The following KYNU variants were observed in gnomAD, a reference collection of about 807,000 sequenced individuals.
KYNU encodes the protein L-kynurenine hydrolase.
Under a neutral mutation model 59.2 loss-of-function variants are expected in KYNU, and 54 were observed. The ratio of observed to expected loss-of-function variants is 0.91; its 90% confidence interval spans 0.73 to 1.14. The LOEUF (loss-of-function observed/expected upper bound fraction) is 1.14. Ranked by LOEUF, KYNU falls within the 50% of genes most tolerant of loss-of-function variation. The pLI is 0.00. For synonymous variants in KYNU, 177 were observed against 192.0 expected (o/e 0.92, Z 0.65); for missense variants, 567 against 554.4 (o/e 1.02, Z -0.23).
At position 142,998,965 on chromosome 2, in the gene KYNU, C is replaced by T. The variant is rs71423231; in HGVS notation, c.902+12944C>T. On this transcript the variant is annotated intron_variant, in intron 10 of 13. Coordinates refer to ENST00000264170, the MANE Select transcript of KYNU (RefSeq NM_003937.3). Reference sequence around the variant, plus strand: ...CTGAGGTTGCAGTGAGCAGAGATCACGTCACTGCACTCCAGCCTGGCAACA... The same window carrying T: ...CTGAGGTTGCAGTGAGCAGAGATCATGTCACTGCACTCCAGCCTGGCAACA... Among the ~76,000 whole-genome samples the T allele has an allele frequency of 1.1e-3, 157 of 143,790 alleles. 1 individual carries two copies. Among genetic ancestry groups the T allele is most frequent in the Non-Finnish European group, 1.6e-3 (105 of 66,890 alleles). 94.3% of individuals were successfully genotyped at this position (143,790 alleles called of 152,430 possible).
At chr2:142,932,047 GT>G (rs567795030) in intron 4 of KYNU, among the ~76,000 whole-genome samples, 164 of 152,294 alleles carry the variant, frequency 1.1e-3, no homozygotes, top group Non-Finnish European at 2.0e-3. Flanking sequence ...TCTTGCCTTG[GT>G]ACCTGGCCCC....
intron 2 of KYNU, among the ~76,000 whole-genome samples, chr2:142,891,515 A>C (rs1170258885): frequency 6.6e-6 from 1 of 152,244 alleles, no homozygotes; most frequent in Non-Finnish European, 1.5e-5. Context: ...GTAAGTACTT[A>C]TAAAATTTAA....
At chr2:142,960,795 C>T in intron 8 of KYNU, 25 bp downstream of exon 8, 1 of 1,610,714 alleles carries the variant, frequency 6.2e-7, no homozygotes, top group South Asian at 1.1e-5. Flanking sequence ...TACTTCTTCC[C>T]ACCTTACTCC....
chr2:142,921,261 G>C (rs1682873953), intron 3 of KYNU, among the ~76,000 whole-genome samples: 1 of 152,222 alleles, frequency 6.6e-6, no homozygotes, highest in Admixed American at 6.5e-5. Flanking sequence ...CTAGCTGGAA[G>C]CTCCCAAGAG....
At chr2:142,885,800 G>A (rs1448063374) in intron 2 of KYNU, among the ~76,000 whole-genome samples, 1 of 152,176 alleles carries the variant, frequency 6.6e-6, no homozygotes, top group Non-Finnish European at 1.5e-5. Flanking sequence ...TTGAGTGACT[G>A]ATTGAAAATT....
rs562118802 is a variant in KYNU, at chr2:143,012,057, G to A, written c.903-17570G>A. 2.3e-5 allele frequency among the ~76,000 whole-genome samples: 3 copies of A among 133,200 alleles called. No individual in the cohort carries two copies. The East Asian group carries it at 7.9e-4, about 35-fold the overall frequency. The allele number at this position is 133,200 out of a possible 152,430, so 87.4% of individuals were successfully genotyped here. A position where few individuals can be genotyped will look rare whatever the true frequency, so the allele number is the denominator to read the frequency against. On this transcript the variant is annotated intron_variant, in intron 10 of 13. Coordinates refer to ENST00000264170, the MANE Select transcript of KYNU (RefSeq NM_003937.3). ...GTGCACATATACCCTAAAACTTAAA[G>A]TATAATAAAAAAAAAAAAAAAGAAA...
Position 142,918,683 on chromosome 2 carries a change from A to G in KYNU, c.244A>G (p.Met82Val). ...LGNSLGLQPKMVKTYLEEELD... is the reference protein window; with the variant it reads ...LGNSLGLQPKVVKTYLEEELD... ...AAATTCTCTTGGCCTTCAACCAAAA[A>G]TGGTTAAAACATATCTTGAAGAAGA... The change falls in exon 3 of 14, where the codon ATG (methionine) becomes GTG (valine). Residue 82 changes from methionine to valine, a missense_variant. Met to Val is a conservative substitution (Grantham distance 21). Transcript: ENST00000264170. 1.2e-6 allele frequency: 2 copies of G among 1,612,472 alleles called. No individual in the cohort carries two copies. The highest frequency in any genetic ancestry group is 1.7e-6 in the Non-Finnish European group (2 of 1,179,288).
At chr2:143,023,028 TACTTTTATAACAC>T (rs1234040618) in intron 10 of KYNU, among the ~76,000 whole-genome samples, 5 of 151,958 alleles carry the variant, frequency 3.3e-5, no homozygotes, top group Admixed American at 1.3e-4. Flanking sequence ...TTGTTTCATG[TACTTTTATAACAC>T]TTTTTAGTCT....
At position 142,915,386 on chromosome 2, in the gene KYNU, G is replaced by C. The variant is rs182366506; in HGVS notation, c.170-3223G>C. 1.5e-3 allele frequency among the ~76,000 whole-genome samples: 232 copies of C among 152,324 alleles called. 1 individual carries two copies. Among genetic ancestry groups the C allele is most frequent in the Non-Finnish European group, 2.1e-3 (143 of 68,032 alleles). ...TGGAGGAATAAGAAGCAGCAGCAGT[G>C]AGGAACAAGAAAATAAATTGTTAAT... On this transcript the variant is annotated intron_variant, in intron 2 of 13. Transcript: ENST00000264170.
intron 8 of KYNU, among the ~76,000 whole-genome samples, chr2:142,962,877 G>C (rs562845886): frequency 1.8e-4 from 27 of 152,218 alleles, no homozygotes; most frequent in African/African-American, 6.3e-4. Context: ...TCTCTCTGGT[G>C]GTCTGGTCAT....
At chr2:143,029,706 C>T (rs1255472606) in intron 11 of KYNU, 27 bp downstream of exon 11, 2 of 1,250,406 alleles carry the variant, frequency 1.6e-6, no homozygotes, top group African/African-American at 1.5e-5. Context: ...TACCTAATGC[C>T]ATTTTTATTT....
At chr2:143,041,477 G>A (rs1687059041) in intron 13 of KYNU, among the ~76,000 whole-genome samples, 1 of 151,984 alleles carries the variant, frequency 6.6e-6, no homozygotes, top group Non-Finnish European at 1.5e-5. Context: ...GTTGTGATTG[G>A]ATTGAAATGG....
chr2:142,950,124 G>A (rs1464288096), intron 4 of KYNU, among the ~76,000 whole-genome samples: 1 of 152,156 alleles, frequency 6.6e-6, no homozygotes, highest in Admixed American at 6.5e-5. Flanking sequence ...ACCTCAGCCT[G>A]GATTTCATTG....
chr2:142,995,362 G>A (rs554161915), intron 10 of KYNU, among the ~76,000 whole-genome samples: 1 of 152,178 alleles, frequency 6.6e-6, no homozygotes, highest in Admixed American at 6.5e-5. Flanking sequence ...AAGATTTGAA[G>A]AGGTAATTGA....
At chr2:142,973,213 TG>T (rs1391004395) in intron 8 of KYNU, among the ~76,000 whole-genome samples, 3 of 151,934 alleles carry the variant, frequency 2.0e-5, no homozygotes, top group African/African-American at 7.2e-5. Flanking sequence ...TTTATTTTCT[TG>T]GTAATCTGAG....
chr2:142,885,269 C>T, intron 1 of KYNU, 80 bp from the exon 2 acceptor site: 1 of 1,140,710 alleles, frequency 8.8e-7, no homozygotes, highest in Non-Finnish European at 1.3e-6. Context: ...TTAGTGAAAA[C>T]AAAAGGTGTA....
chr2:142,928,862 T>G (rs997510157), intron 4 of KYNU, among the ~76,000 whole-genome samples: 1 of 151,336 alleles, frequency 6.6e-6, no homozygotes, highest in African/African-American at 2.4e-5. Context: ...TTTTAAAAAT[T>G]AGCCAAGCAT....
intron 8 of KYNU, among the ~76,000 whole-genome samples, chr2:142,966,849 G>GA (rs954948685): frequency 6.6e-6 from 1 of 150,938 alleles, no homozygotes; most frequent in Non-Finnish European, 1.5e-5. Flanking sequence ...AACATGTTAA[G>GA]AAAAAAAATT....
intron 7 of KYNU, 150 bp from the exon 8 acceptor site, chr2:142,960,474 G>T: frequency 1.7e-6 from 1 of 572,250 alleles, no homozygotes; most frequent in Non-Finnish European, 3.0e-6. Flanking sequence ...CTCAAATGCT[G>T]CTCTTATGCC....
Sources: allele counts gnomAD v4.1 joint callset (sites outside exome capture counted in the v4.1 genomes callset), GRCh38; gene constraint gnomAD v4.1.1; transcripts MANE v1.5; gene names NCBI Gene and HGNC (gene_info 2026-07-23, HGNC 2026-07-21).